The following ARHGEF10 variants were observed in gnomAD, a reference collection of about 807,000 sequenced individuals.
The protein encoded by ARHGEF10 is Rho guanine nucleotide exchange factor (GEF) 10.
ARHGEF10 carries 140 observed loss-of-function variants against 147.4 expected under a neutral mutation model. The ratio of observed to expected loss-of-function variants is 0.95; its 90% CI spans 0.83 to 1.09. The LOEUF (loss-of-function observed/expected upper bound fraction) is 1.09. Among genes scored for constraint, ARHGEF10 ranks in the 50% least tolerant of loss-of-function variants. The probability of loss-of-function intolerance (pLI) is 0.00; values close to 1 mark genes in which losing one functional copy is unlikely to be tolerated. For missense variants in ARHGEF10, 2,222 were observed against 1,752.7 expected (o/e 1.27, Z -4.78); for synonymous variants, 902 against 695.8 (o/e 1.30, Z -4.67).
At chr8:1,956,160 G>A (rs1245670066) in intron 28 of ARHGEF10, among the ~76,000 whole-genome samples, 4 of 152,216 alleles carry the variant, frequency 2.6e-5, no homozygotes, top group African/African-American at 9.7e-5. Context: ...TTGCGGGGCT[G>A]TGTGTGGCTT....
At position 1,858,144 on chromosome 8, in the gene ARHGEF10, G is replaced by GTCCCCAGGTGGGTCCCCAGGTGGA. The variant is rs758989601; in HGVS notation, c.193+51_193+52insGATCCCCAGGTGGGTCCCCAGGTG. ...AGTTTCCAGGAGGGTCCCCAGGTGA[G>GTCCCCAGGTGGGTCCCCAGGTGGA]TCCCCAGGTGGGTCCCCAGGTGAGT... is the stretch of plus-strand genomic sequence containing the variant. On this transcript the variant is annotated intron_variant, in intron 3 of 28. Transcript: ENST00000349830. 13,462 of 1,581,528 alleles carry GTCCCCAGGTGGGTCCCCAGGTGGA rather than the reference G, an allele frequency of 8.5e-3. 2 individuals carry two copies. The highest frequency in any genetic ancestry group is 0.011 in the Non-Finnish European group (12,274 of 1,164,118).
chr8:1,864,937 C>T (rs1041286419), intron 5 of ARHGEF10, among the ~76,000 whole-genome samples: 14 of 152,170 alleles, frequency 9.2e-5, no homozygotes, highest in African/African-American at 2.9e-4. Context: ...AGCGTGTTAT[C>T]ACTGGTGATC....
chr8:1,888,213 C>CGAGGGTTGCGAGGAGACAGTGAGTGTGGT (rs1466959394), intron 11 of ARHGEF10, among the ~76,000 whole-genome samples: 7 of 26,366 alleles, frequency 2.7e-4, no homozygotes, highest in African/African-American at 8.6e-4. Context: ...CTTAGTGGGG[C>CGAGGGTTGCGAGGAGACAGTGAGTGTGGT]GAGGGTTGCG....
chr8:1,828,524 A>T lies in ARHGEF10; in HGVS notation c.-48+4411A>T, dbSNP rs566427506. ...GGTTTTAAGGAATTACATTTTGATA[A>T]ACCGTGGCATGCACACTTACTGTTT... On this transcript the variant is annotated intron_variant, in intron 1 of 28. Coordinates refer to ENST00000349830, the MANE Select transcript of ARHGEF10 (RefSeq NM_014629.4). Among the ~76,000 whole-genome samples, 156 of 148,206 alleles carry T rather than the reference A, an allele frequency of 1.1e-3. 11 individuals are homozygous for T. The highest frequency in any genetic ancestry group is 3.8e-3 in the African/African-American group (152 of 39,780).
At chr8:1,874,711 A>G (rs1223249384) in intron 7 of ARHGEF10, among the ~76,000 whole-genome samples, 1 of 151,696 alleles carries the variant, frequency 6.6e-6, no homozygotes, top group Non-Finnish European at 1.5e-5. Context: ...GAGTGCAGAC[A>G]CACACCGGGG....
At position 1,905,687 on chromosome 8, in the gene ARHGEF10, T is replaced by C. The variant is rs748667782; in HGVS notation, c.1938T>C (p.Asp646=). The part of the protein sequence containing the change: ...TKERRVFMLN[D]VLMCATVSSR... ...AACGCCGAGTCTTCATGTTAAATGA[T>C]GTGTTAATGTGTGCCACCGTCAGCT... The change falls in exon 17 of 29, where the codon GAT becomes GAC. Residue 646 remains aspartate, a synonymous_variant. Transcript: ENST00000349830. 1.9e-6 allele frequency: 3 copies of C among 1,614,034 alleles called. No individual in the cohort carries two copies. Among genetic ancestry groups the C allele is most frequent in the South Asian group, 2.2e-5 (2 of 91,088 alleles).
chr8:1,839,334 GGTGTAGGGA>G, intron 1 of ARHGEF10, among the ~76,000 whole-genome samples: 1 of 139,030 alleles, frequency 7.2e-6, no homozygotes, highest in South Asian at 2.2e-4. Flanking sequence ...GGGACTGTCT[GGTGTAGGGA>G]CTGTCTGGTG....
Position 1,860,100 on chromosome 8 carries a change from T to A in ARHGEF10, c.397T>A (p.Tyr133Asn). Residue 133 changes from tyrosine (Y) to asparagine (N), a missense_variant, in exon 4 of 29, where the codon TAT becomes AAT. Coordinates refer to ENST00000349830, the MANE Select transcript of ARHGEF10 (RefSeq NM_014629.4). Reference protein sequence around the residue: ...CGYLVPVPCGYAVPSNLPLLL... With the variant: ...CGYLVPVPCGNAVPSNLPLLL... ...GTACTTGGTGCCTGTACCCTGCGGC[T>A]ATGCGGTGCCCTCCAACCTGCCCCT... 6.2e-7 allele frequency: 1 copy of A among 1,614,118 alleles called. No individual in the cohort carries two copies. Among genetic ancestry groups the A allele is most frequent in the Non-Finnish European group, 8.5e-7 (1 of 1,180,010 alleles).
At chr8:1,857,788 G>A (rs1805669408) in intron 2 of ARHGEF10, among the ~76,000 whole-genome samples, 172 bp from the exon 3 acceptor site, 1 of 151,988 alleles carries the variant, frequency 6.6e-6, no homozygotes, top group African/African-American at 2.4e-5. Flanking sequence ...GAATTCTAAT[G>A]ATACTTATTT....
chr8:1,865,731 T>G (rs1806546404), intron 5 of ARHGEF10, among the ~76,000 whole-genome samples: 1 of 152,068 alleles, frequency 6.6e-6, no homozygotes, highest in Non-Finnish European at 1.5e-5. Flanking sequence ...ATTCCGTTAG[T>G]GACCCTTCCC....
chr8:1,924,607 G>T (rs924255771), intron 21 of ARHGEF10, among the ~76,000 whole-genome samples: 1 of 152,176 alleles, frequency 6.6e-6, no homozygotes, highest in South Asian at 2.1e-4. Context: ...GCTTTGTCCC[G>T]GACGGGAAAG....
At chr8:1,907,276 C>T (rs1318132717) in intron 17 of ARHGEF10, among the ~76,000 whole-genome samples, 2 of 152,172 alleles carry the variant, frequency 1.3e-5, no homozygotes, top group Non-Finnish European at 2.9e-5. Context: ...GAACCCCCCT[C>T]TCCATGTAAC....
intron 9 of ARHGEF10, among the ~76,000 whole-genome samples, chr8:1,881,836 T>C (rs1042925604): frequency 6.6e-6 from 1 of 152,102 alleles, no homozygotes; most frequent in Non-Finnish European, 1.5e-5. Flanking sequence ...CTTTGAGAGG[T>C]CCCTGGGATG....
chr8:1,920,051 CGTGGGTG>C (rs1563286456), intron 18 of ARHGEF10, among the ~76,000 whole-genome samples: 51 of 109,998 alleles, frequency 4.6e-4, no homozygotes, highest in African/African-American at 1.1e-3. Flanking sequence ...GGAGCTGTTC[CGTGGGTG>C]ATGGAGCTGT....
At chr8:1,956,086 T>A (rs1469776434) in intron 28 of ARHGEF10, among the ~76,000 whole-genome samples, 1 of 152,212 alleles carries the variant, frequency 6.6e-6, no homozygotes, top group Admixed American at 6.5e-5. Flanking sequence ...ATATGTCATG[T>A]CACCCACAAA....
At position 1,894,265 on chromosome 8, in the gene ARHGEF10, G is replaced by A. The variant is rs752650647; in HGVS notation, c.1261-128G>A. 4.3e-5 allele frequency: 39 copies of A among 915,722 alleles called. No individual in the cohort carries two copies. In the Middle Eastern group the frequency reaches 9.8e-4, roughly 23 times the overall value. 56.7% of individuals were successfully genotyped at this position (915,722 alleles called of 1,614,324 possible). A position where few individuals can be genotyped will look rare whatever the true frequency, so the allele number is the denominator to read the frequency against. ...CTTGGGAGGCTGAGGTGGGAGGATG[G>A]CTTGAGCCCAGGAGTTTGAGGCTGC... On this transcript the variant is annotated intron_variant, in intron 12 of 28. Coordinates refer to ENST00000349830, the MANE Select transcript of ARHGEF10 (RefSeq NM_014629.4).
At chr8:1,840,080 G>A (rs1414762945) in intron 1 of ARHGEF10, among the ~76,000 whole-genome samples, 2 of 136,326 alleles carry the variant, frequency 1.5e-5, no homozygotes, top group African/African-American at 5.9e-5. Context: ...GAAGCTGTCT[G>A]GTGTGGGGAC....
At chr8:1,850,572 C>G (rs1805054173) in intron 2 of ARHGEF10, among the ~76,000 whole-genome samples, 1 of 150,968 alleles carries the variant, frequency 6.6e-6, no homozygotes, top group Non-Finnish European at 1.5e-5. Flanking sequence ...ACGGCAAATG[C>G]TGAGGAGGGC....
chr8:1,892,430 G>T (rs1425926150), intron 11 of ARHGEF10, among the ~76,000 whole-genome samples: 1 of 151,888 alleles, frequency 6.6e-6, no homozygotes, highest in Non-Finnish European at 1.5e-5. Context: ...TGTCTTTTGC[G>T]AATAGAATAA....
Sources: gnomAD v4.1 joint callset for allele counts (sites outside exome capture counted in the v4.1 genomes callset) on GRCh38, gnomAD v4.1.1 for gene constraint, MANE v1.5 for transcripts, NCBI Gene and HGNC (gene_info 2026-07-23, HGNC 2026-07-21) for gene names.